Variants in ACSBG1 observed in about 807,000 individuals in gnomAD.
ACSBG1 encodes acyl-CoA synthetase bubblegum family member 1.
Under a neutral mutation model 80.2 loss-of-function variants are expected in ACSBG1, and 39 were observed. The ratio of observed to expected loss-of-function variants is 0.49; its 90% CI spans 0.38 to 0.64. The LOEUF is 0.64. Ranked by LOEUF, ACSBG1 falls within the 30% of genes least tolerant of loss-of-function variation. The pLI is 0.00. For missense variants in ACSBG1, 828 were observed against 966.4 expected, an observed-to-expected ratio of 0.86 and a Z score of 1.90; for synonymous variants, 392 against 379.5, an observed-to-expected ratio of 1.03 and a Z score of -0.38.
At chr15:78,194,057 C>T (rs2075087145) in intron 3 of ACSBG1, 37 bp from the exon 4 acceptor site, 4 of 1,604,806 alleles carry the variant, frequency 2.5e-6, no homozygotes, top group South Asian at 1.1e-5. Context: ...GTCAGCCGGG[C>T]AGGGACTGGG....
In ACSBG1 at chr15:78,178,846, G is replaced by A; in HGVS notation, c.1485-15C>T. 4 of 1,595,866 alleles carry A rather than the reference G, an allele frequency of 2.5e-6. No homozygotes were observed. The highest frequency in any genetic ancestry group is 3.4e-6 in the Non-Finnish European group (4 of 1,173,996). On this transcript the variant is annotated splice_polypyrimidine_tract_variant and intron_variant, in intron 10 of 13. Coordinates refer to ENST00000258873, the MANE Select transcript of ACSBG1 (RefSeq NM_015162.5). The surrounding 1 kb of genome is among the most constrained non-coding windows in gnomAD (Gnocchi z 4.3). ...ACTTGCCTGAGCTGGCGAGGGAGGG[G>A]CCGGGAGACTGGTCAGAGGGAGCCG...
At chr15:78,217,112 G>C (rs2075318137) in intron 1 of ACSBG1, among the ~76,000 whole-genome samples, 1 of 152,172 alleles carries the variant, frequency 6.6e-6, no homozygotes, top group African/African-American at 2.4e-5. Flanking sequence ...CATCAGGTAG[G>C]GACAAGGCTG....
chr15:78,185,503 A>C (rs1200646742), intron 5 of ACSBG1, among the ~76,000 whole-genome samples: 1 of 152,236 alleles, frequency 6.6e-6, no homozygotes, highest in African/African-American at 2.4e-5. Flanking sequence ...AAGAAAAAAA[A>C]ATGGAAAAAA....
chr15:78,186,266 G>A lies in ACSBG1; in HGVS notation c.664-3481C>T, dbSNP rs528099435. ...ACCCCATTGTCAACATTAGATCAACGAGACAGAAAGTTAACAAGGATACCC... is the reference window on the plus strand; with the variant it reads ...ACCCCATTGTCAACATTAGATCAACAAGACAGAAAGTTAACAAGGATACCC... On this transcript the variant is annotated intron_variant, in intron 5 of 13. Coordinates refer to ENST00000258873, the MANE Select transcript of ACSBG1 (RefSeq NM_015162.5). 7.2e-5 allele frequency among the ~76,000 whole-genome samples: 11 copies of A among 152,228 alleles called. No individual in the cohort carries two copies. In the East Asian group the frequency reaches 1.3e-3, roughly 19 times the overall value.
At position 78,194,574 on chromosome 15, in the gene ACSBG1, T is replaced by G. The variant is rs935441791; in HGVS notation, c.385A>C (p.Lys129Gln). ...TGGGAGTAGGAGATGTGTTCCCACT[T>G]GTCCTGGCGCTTGAAGCCCAAAGCG... ...LIALGFKRQDKWEHISYSQYY... is the reference protein window; with the variant it reads ...LIALGFKRQDQWEHISYSQYY... The change falls in exon 3 of 14, where the codon AAG becomes CAG. Residue 129 changes from lysine (K) to glutamine (Q), a missense_variant. Lys to Gln is a moderately conservative substitution (Grantham distance 53). Coordinates refer to ENST00000258873, the MANE Select transcript of ACSBG1 (RefSeq NM_015162.5). 3.7e-6 allele frequency: 6 copies of G among 1,614,226 alleles called. No homozygotes were observed. The African/African-American group carries it at 5.3e-5, about 14-fold the overall frequency.
chr15:78,191,735 G>A (rs1426362228), intron 5 of ACSBG1, among the ~76,000 whole-genome samples: 1 of 152,204 alleles, frequency 6.6e-6, no homozygotes, highest in Non-Finnish European at 1.5e-5. Flanking sequence ...TGGTCATGAA[G>A]AAGCCCAACA....
At chr15:78,194,950 CAAGG>C (rs2141349631) in intron 2 of ACSBG1, among the ~76,000 whole-genome samples, 1 of 152,320 alleles carries the variant, frequency 6.6e-6, no homozygotes, top group East Asian at 1.9e-4. Flanking sequence ...AGGGATGCAG[CAAGG>C]AAGAGGAGAG....
intron 1 of ACSBG1, among the ~76,000 whole-genome samples, chr15:78,210,326 A>G (rs1474508590): frequency 2.0e-5 from 3 of 152,242 alleles, no homozygotes; most frequent in Non-Finnish European, 4.4e-5. Flanking sequence ...CATGATTAAA[A>G]GAATGTCAAA....
At chr15:78,214,923 C>G (rs2075295235) in intron 1 of ACSBG1, among the ~76,000 whole-genome samples, 1 of 152,202 alleles carries the variant, frequency 6.6e-6, no homozygotes, top group African/African-American at 2.4e-5. Flanking sequence ...TCAATTACAT[C>G]TCAGCAATTC....
intron 1 of ACSBG1, among the ~76,000 whole-genome samples, chr15:78,214,142 T>C (rs935905095): frequency 3.3e-5 from 5 of 152,170 alleles, no homozygotes; most frequent in Admixed American, 3.3e-4. Flanking sequence ...TGCCTTCTAA[T>C]ACCCCCTCCA....
In ACSBG1 at chr15:78,169,868, C is replaced by G. The variant is rs537679564; in HGVS notation, c.*1576G>C. ...TAAACTTATTCTTGCATGTTGCTGT[C>G]TGGGAATGGACCACACTACAGCAGG... On this transcript the variant is annotated 3_prime_UTR_variant, in exon 14 of 14. Coordinates refer to ENST00000258873, the MANE Select transcript of ACSBG1 (RefSeq NM_015162.5). 9 of 152,328 alleles carry G rather than the reference C, an allele frequency of 5.9e-5. No homozygotes were observed. Among genetic ancestry groups the G allele is most frequent in the African/African-American group, 1.7e-4 (7 of 41,568 alleles). 9.4% of individuals were successfully genotyped at this position (152,328 alleles called of 1,614,324 possible).
chr15:78,178,908 ACT>A lies in ACSBG1; in HGVS notation c.1485-79_1485-78del. The A allele has an allele frequency of 7.0e-7, 1 of 1,428,702 alleles. No homozygotes were observed. The highest frequency in any genetic ancestry group is 9.4e-7 in the Non-Finnish European group (1 of 1,064,892). 88.5% of individuals were successfully genotyped at this position (1,428,702 alleles called of 1,614,324 possible). On this transcript the variant is annotated intron_variant, in intron 10 of 13. Transcript: ENST00000258873. The surrounding 1 kb of genome is among the most constrained non-coding windows in gnomAD (Gnocchi z 4.3). ...CCCCCACTGGGGAGCCGGGGTCCCA[ACT>A]GCTCGGTCTTCACTGATTGCTAGAA...
chr15:78,174,636 C>T (rs1027340585), intron 11 of ACSBG1, 112 bp from the exon 12 acceptor site: 1 of 1,327,006 alleles, frequency 7.5e-7, no homozygotes, highest in Non-Finnish European at 1.0e-6. Flanking sequence ...TGGAGATGCC[C>T]CCTTTCTGGG....
At chr15:78,181,303 G>A (rs976184066) in intron 8 of ACSBG1, among the ~76,000 whole-genome samples, 2 of 152,016 alleles carry the variant, frequency 1.3e-5, no homozygotes, top group African/African-American at 4.8e-5. Context: ...GAAACTTGCT[G>A]GGGGGTTTCT....
intron 4 of ACSBG1, 58 bp downstream of exon 4, chr15:78,193,874 C>T: frequency 6.3e-7 from 1 of 1,588,996 alleles, no homozygotes. Context: ...AGGACCCTCC[C>T]CTACCCTCTG....
At chr15:78,230,978 G>T (rs55639638) in intron 1 of ACSBG1, among the ~76,000 whole-genome samples, 27,465 of 152,136 alleles carry the variant, frequency 0.18, 2,716 homozygotes, top group African/African-American at 0.25. Context: ...TATTTATCTA[G>T]TTTTTGAGAC....
In ACSBG1 at chr15:78,178,836, C is replaced by T. The variant is rs764509086; in HGVS notation, c.1485-5G>A. 9 of 1,604,938 alleles carry T rather than the reference C, an allele frequency of 5.6e-6. No individual in the cohort carries two copies. The highest frequency in any genetic ancestry group is 4.5e-5 in the East Asian group (2 of 44,564). On this transcript the variant is annotated splice_region_variant and splice_polypyrimidine_tract_variant and intron_variant, in intron 10 of 13. Coordinates refer to ENST00000258873, the MANE Select transcript of ACSBG1 (RefSeq NM_015162.5). The surrounding 1 kb of genome is among the most constrained non-coding windows in gnomAD (Gnocchi z 4.3). ...CCGGGCACCAACTTGCCTGAGCTGGCGAGGGAGGGGCCGGGAGACTGGTCA... is the reference window on the plus strand; with the variant it reads ...CCGGGCACCAACTTGCCTGAGCTGGTGAGGGAGGGGCCGGGAGACTGGTCA...
At chr15:78,231,509 C>T (rs1380337487) in intron 1 of ACSBG1, among the ~76,000 whole-genome samples, 3 of 152,082 alleles carry the variant, frequency 2.0e-5, no homozygotes, top group Non-Finnish European at 4.4e-5. Context: ...TGGTCTCGAA[C>T]TCCTGGGCTT....
chr15:78,228,846 C>T (rs1280870046), intron 1 of ACSBG1, among the ~76,000 whole-genome samples: 1 of 152,208 alleles, frequency 6.6e-6, no homozygotes, highest in Non-Finnish European at 1.5e-5. Context: ...CTAGAAAGTT[C>T]TTCCCCTAGC....
Sources: allele counts gnomAD v4.1 joint callset (sites outside exome capture counted in the v4.1 genomes callset), GRCh38; gene constraint gnomAD v4.1.1; non-coding constraint Gnocchi (gnomAD v3.1); transcripts MANE v1.5; gene names NCBI Gene and HGNC (gene_info 2026-07-23, HGNC 2026-07-21).